Variants in OBSL1 observed in about 807,000 individuals in gnomAD.
The protein encoded by OBSL1 is obscurin like cytoskeletal adaptor 1.
OBSL1 carries 160 observed loss-of-function variants against 172.0 expected under a neutral mutation model. The ratio of observed to expected loss-of-function variants is 0.93; its 90% CI spans 0.82 to 1.06. The LOEUF is 1.06. Among genes scored for constraint, OBSL1 ranks in the 50% least tolerant of loss-of-function variants. The pLI is 0.00. For synonymous variants in OBSL1, 1,200 were observed against 1,196.3 expected (o/e 1.00, Z -0.06); for missense variants, 2,681 against 2,715.4 (o/e 0.99, Z 0.28).
intron 5 of OBSL1, 145 bp downstream of exon 5, chr2:219,566,685 T>G: frequency 3.4e-6 from 3 of 881,702 alleles, no homozygotes; most frequent in Non-Finnish European, 3.3e-6. Flanking sequence ...TCCGGACCTC[T>G]GAGCCCTCAA....
chr2:219,556,735 G>A lies in OBSL1; in HGVS notation c.4067-12C>T, dbSNP rs144059707. 1,016 of 1,587,782 alleles carry A rather than the reference G, an allele frequency of 6.4e-4. 7 individuals are homozygous for A. The African/African-American group carries it at 9.5e-3, about 15-fold the overall frequency. ...CACCAGCAGTGGCTCTAAGGGGCAC[G>A]GTAAGGCAGTGAGCTGGGCTGAGTC... On this transcript the variant is annotated splice_polypyrimidine_tract_variant and intron_variant, in intron 12 of 20. Transcript: ENST00000404537.
At chr2:219,555,620 C>A in intron 14 of OBSL1, 2 of 1,022,318 alleles carry the variant, frequency 2.0e-6, no homozygotes, top group Non-Finnish European at 2.3e-6. Context: ...AAGAGGTTAA[C>A]TTGCATGAGG....
At chr2:219,560,749 C>G (rs1033365098) in intron 8 of OBSL1, among the ~76,000 whole-genome samples, 6 of 152,332 alleles carry the variant, frequency 3.9e-5, no homozygotes, top group African/African-American at 1.2e-4. Flanking sequence ...CTTGCTTGCT[C>G]TAAGGGTCTG....
At position 219,551,530 on chromosome 2, in the gene OBSL1, C is replaced by A; in HGVS notation, c.5682G>T (p.Glu1894Asp). 6.3e-7 allele frequency: 1 copy of A among 1,585,598 alleles called. No homozygotes were observed. Among genetic ancestry groups the A allele is most frequent in the African/African-American group, 1.3e-5 (1 of 74,446 alleles). ...QDSTHTRLLV[E>D]GN Reference sequence around the variant, plus strand: ...CGCTGCCCAGTTGGCTTTACTCACCCTCTACCAGCAGCCGTGTGTGGGTGC... The same window carrying A: ...CGCTGCCCAGTTGGCTTTACTCACCATCTACCAGCAGCCGTGTGTGGGTGC... The change falls in exon 20 of 21, where the codon GAG becomes GAT. Residue 1894 changes from glutamate (E) to aspartate (D), a missense_variant and splice_region_variant. This residue lies in a region of OBSL1 where 1,765 missense variants were observed against 1,748.3 expected (regional missense o/e 1.01). Transcript: ENST00000404537.
rs1339101110 is a variant in OBSL1 at position 219,571,279 on chromosome 2, G to T, written c.-47C>A. 1.9e-6 allele frequency: 2 copies of T among 1,045,162 alleles called. No individual in the cohort carries two copies. The highest frequency in any genetic ancestry group is 3.8e-5 in the South Asian group (1 of 26,288). 64.7% of individuals were successfully genotyped at this position (1,045,162 alleles called of 1,614,324 possible). On this transcript the variant is annotated 5_prime_UTR_variant, in exon 1 of 21. Coordinates refer to ENST00000404537, the MANE Select transcript of OBSL1 (RefSeq NM_015311.3). ...GCGGCGAACGGTGGGGGGGCAGGGGGGGGTGCGGAGGGCGAGCCGAGGCCC... is the reference window on the plus strand; with the variant it reads ...GCGGCGAACGGTGGGGGGGCAGGGGTGGGTGCGGAGGGCGAGCCGAGGCCC...
chr2:219,562,943 G>A (rs1696599637), intron 7 of OBSL1: 1 of 549,760 alleles, frequency 1.8e-6, no homozygotes, highest in Non-Finnish European at 3.2e-6. Flanking sequence ...CACATTCTCT[G>A]GGTTGGGACA....
At chr2:219,552,061 G>T in intron 19 of OBSL1, 51 bp downstream of exon 19, 2 of 1,501,772 alleles carry the variant, frequency 1.3e-6, no homozygotes, top group Non-Finnish European at 1.8e-6. Context: ...CAGTCCCATG[G>T]CAGGAGAGAC....
intron 1 of OBSL1, chr2:219,569,171 A>T (rs997494530): frequency 6.6e-6 from 1 of 151,936 alleles, no homozygotes; most frequent in Admixed American, 6.6e-5. Context: ...GCGTGTGTGT[A>T]TGCAACTCGG....
In OBSL1 at chr2:219,557,369, C is replaced by T. The variant is rs1322579611; in HGVS notation, c.4040G>A (p.Ser1347Asn). ...TTCCACGCTGACAAGGAAGATGCGG[C>T]TGTCCTGGGGCGCATCGCACAGGTA... The part of the protein sequence containing the change: ...GEYLCDAPQD[S>N]RIFLVSVEEP... Residue 1347 changes from serine (S) to asparagine (N), a missense_variant, in exon 12 of 21, where the codon AGC becomes AAC. Physicochemically the swap from Ser to Asn is conservative, Grantham distance 46. Transcript: ENST00000404537. The T allele has an allele frequency of 6.6e-7, 1 of 1,514,872 alleles. No homozygotes were observed. The highest frequency in any genetic ancestry group is 8.9e-7 in the Non-Finnish European group (1 of 1,125,864). 93.8% of individuals were successfully genotyped at this position (1,514,872 alleles called of 1,614,324 possible). A position where few individuals can be genotyped will look rare whatever the true frequency, so the allele number is the denominator to read the frequency against.
Position 219,568,089 on chromosome 2 carries a change from G to A in OBSL1, c.1248C>T (p.Gly416=). 6.2e-7 allele frequency: 1 copy of A among 1,612,434 alleles called. No homozygotes were observed. The highest frequency in any genetic ancestry group is 1.7e-5 in the Admixed American group (1 of 60,010). The part of the protein sequence containing the change: ...DDGIYLCEMR[G]RVRTVANVTV... The stretch of plus-strand genomic sequence containing the variant: ...TGACGTTGGCCACGGTGCGCACCCG[G>A]CCCCGCATCTCGCACAGGTAGATAC... Residue 416 remains glycine (G), a synonymous_variant, in exon 2 of 21, where the codon GGC becomes GGT. Coordinates refer to ENST00000404537, the MANE Select transcript of OBSL1 (RefSeq NM_015311.3). This position sits in a 1 kb window ranked among gnomAD's most constrained non-coding sequence, Gnocchi z 4.1.
chr2:219,547,949 C>A, downstream of OBSL1: 1 of 1,591,030 alleles, frequency 6.3e-7, no homozygotes, highest in Non-Finnish European at 8.5e-7. Context: ...CGTGGTGGAG[C>A]GACTCCGGGC....
intron 9 of OBSL1, 145 bp from the exon 10 acceptor site, chr2:219,558,604 C>A: frequency 2.0e-6 from 2 of 1,008,202 alleles, no homozygotes; most frequent in Non-Finnish European, 2.8e-6. Flanking sequence ...TGCTGTGTGC[C>A]AGGCACTGTC....
chr2:219,550,461 G>C, downstream of OBSL1: 1 of 244,616 alleles, frequency 4.1e-6, no homozygotes, highest in East Asian at 9.3e-5. Flanking sequence ...AAGGGAGTTG[G>C]GGAGGGGTTT....
chr2:219,549,217 G>T, downstream of OBSL1: 1 of 1,614,010 alleles, frequency 6.2e-7, no homozygotes, highest in Non-Finnish European at 8.5e-7. Context: ...AGATCGCAAG[G>T]AGAAAAGGCG....
chr2:219,557,814 T>C lies in OBSL1; in HGVS notation c.3790+9A>G, dbSNP rs763461211. 6.3e-7 allele frequency: 1 copy of C among 1,593,432 alleles called. No individual in the cohort carries two copies. Among genetic ancestry groups the C allele is most frequent in the Non-Finnish European group, 8.5e-7 (1 of 1,178,068 alleles). On this transcript the variant is annotated intron_variant, in intron 11 of 20. Coordinates refer to ENST00000404537, the MANE Select transcript of OBSL1 (RefSeq NM_015311.3). ...CCACTCTCAGGCTTAATGCCCAGGCTGTACTCACCAGCCACCTGGACGGTG... is the reference window on the plus strand; with the variant it reads ...CCACTCTCAGGCTTAATGCCCAGGCCGTACTCACCAGCCACCTGGACGGTG...
At chr2:219,552,752 C>G in intron 17 of OBSL1, 55 bp from the exon 18 acceptor site, 1 of 1,512,314 alleles carries the variant, frequency 6.6e-7, no homozygotes, top group Non-Finnish European at 8.9e-7. Flanking sequence ...TTACCGGTCA[C>G]GCCCCCTCCA....
intron 12 of OBSL1, 65 bp from the exon 13 acceptor site, chr2:219,556,788 C>G: frequency 6.8e-7 from 1 of 1,473,332 alleles, no homozygotes. Flanking sequence ...TTCATCCCCT[C>G]CTCAGGATGC....
rs751983709 is a variant in OBSL1, at chr2:219,565,265, G to T, written c.2384C>A (p.Ala795Asp). Residue 795 changes from alanine to aspartate, a missense_variant, in exon 6 of 21, where the codon GCC becomes GAC. Ala to Asp is a moderately radical substitution (Grantham distance 126). Transcript: ENST00000404537. ...ACCTTGGACAGTGACGCCGAAGAAG[G>T]CCGAGACCCCTTCTGTCCTGCACTC... ...EFECRTEGVSAFFGVTVQDPP... is the reference protein window; with the variant it reads ...EFECRTEGVSDFFGVTVQDPP... 56 of 1,612,158 alleles carry T rather than the reference G, an allele frequency of 3.5e-5. No individual in the cohort carries two copies. The highest frequency in any genetic ancestry group is 4.6e-5 in the Non-Finnish European group (54 of 1,178,548).
In OBSL1 at chr2:219,553,032, C is replaced by T; in HGVS notation, c.4990-8G>A. Reference sequence around the variant, plus strand: ...CGTAAGCGCGTTCCCGTCCTAGGGGCGGGAGTTGCAGAGGGTCGGGGCGAG... The same window carrying T: ...CGTAAGCGCGTTCCCGTCCTAGGGGTGGGAGTTGCAGAGGGTCGGGGCGAG... On this transcript the variant is annotated splice_region_variant and splice_polypyrimidine_tract_variant and intron_variant, in intron 16 of 20. Coordinates refer to ENST00000404537, the MANE Select transcript of OBSL1 (RefSeq NM_015311.3). 1 of 1,498,222 alleles carries T rather than the reference C, an allele frequency of 6.7e-7. No homozygotes were observed. 92.8% of individuals were successfully genotyped at this position (1,498,222 alleles called of 1,614,324 possible). A position where few individuals can be genotyped will look rare whatever the true frequency, so the allele number is the denominator to read the frequency against.
Sources: gnomAD v4.1 joint callset for allele counts (sites outside exome capture counted in the v4.1 genomes callset) on GRCh38, gnomAD v4.1.1 for gene constraint, gnomAD v4.1.1 regional missense constraint, Gnocchi (gnomAD v3.1) non-coding constraint, MANE v1.5 for transcripts, NCBI Gene and HGNC (gene_info 2026-07-23, HGNC 2026-07-21) for gene names.